Variants in MB21D2 observed in about 807,000 individuals in gnomAD.
MB21D2 encodes Mab-21 domain containing 2, also known as nucleotidyltransferase MB21D2.
Under a neutral mutation model 33.3 loss-of-function variants are expected in MB21D2, and 9 were observed. That is an observed-to-expected ratio of 0.27 (90% CI 0.16 to 0.47). MB21D2 has a LOEUF of 0.47. MB21D2 is among the 20% of genes least tolerant of loss of function. The pLI, the probability that MB21D2 is intolerant of heterozygous loss-of-function variation, is 0.99. For synonymous variants in MB21D2, 241 were observed against 236.3 expected (o/e 1.02, Z -0.18); for missense variants, 540 against 624.6 (o/e 0.86, Z 1.44).
chr3:192,809,402 C>G (rs1476373541), intron 1 of MB21D2, among the ~76,000 whole-genome samples: 1 of 152,006 alleles, frequency 6.6e-6, no homozygotes, highest in Non-Finnish European at 1.5e-5. Context: ...GCCTAGTGTC[C>G]CCATTTTACA....
intron 1 of MB21D2, among the ~76,000 whole-genome samples, chr3:192,823,482 C>T (rs1712102259): frequency 1.3e-5 from 2 of 152,078 alleles, no homozygotes; most frequent in East Asian, 3.9e-4. Flanking sequence ...GGAGAAACCC[C>T]ATTTCTACCA....
chr3:192,906,913 G>A (rs73068316), intron 1 of MB21D2, among the ~76,000 whole-genome samples: 6,790 of 152,270 alleles, frequency 0.045, 371 homozygotes, highest in African/African-American at 0.13. Context: ...TGGAAGAGAC[G>A]AAAGCCTAAA....
intron 1 of MB21D2, among the ~76,000 whole-genome samples, chr3:192,869,921 T>A (rs1292597118): frequency 2.6e-5 from 4 of 152,174 alleles, no homozygotes; most frequent in African/African-American, 9.7e-5. Flanking sequence ...CTTTAAATTA[T>A]ATTACAGCCA....
intron 1 of MB21D2, among the ~76,000 whole-genome samples, chr3:192,901,607 T>C (rs1436809057): frequency 6.6e-6 from 1 of 152,048 alleles, no homozygotes; most frequent in Non-Finnish European, 1.5e-5. Context: ...CAAGTCAAGG[T>C]ACAAACATAT....
At chr3:192,861,278 G>A (rs1713036084) in intron 1 of MB21D2, among the ~76,000 whole-genome samples, 1 of 152,186 alleles carries the variant, frequency 6.6e-6, no homozygotes, top group Non-Finnish European at 1.5e-5. Context: ...GACCATCTCT[G>A]CATTCATTCA....
chr3:192,814,484 G>A (rs1164237601), intron 1 of MB21D2, among the ~76,000 whole-genome samples: 3 of 152,172 alleles, frequency 2.0e-5, no homozygotes, highest in Non-Finnish European at 4.4e-5. Flanking sequence ...CTCTGCAGAA[G>A]TAGAAATTTG....
chr3:192,801,806 CTTTAAAA>C (rs1349737663), intron 1 of MB21D2, among the ~76,000 whole-genome samples: 1 of 152,196 alleles, frequency 6.6e-6, no homozygotes, highest in Admixed American at 6.5e-5. Flanking sequence ...GACAATTATA[CTTTAAAA>C]TTTAACGCTC....
intron 1 of MB21D2, among the ~76,000 whole-genome samples, chr3:192,807,296 G>C (rs1470241377): frequency 6.7e-6 from 1 of 148,634 alleles, no homozygotes; most frequent in East Asian, 2.0e-4. Flanking sequence ...CAATTTACAA[G>C]GACAGTGTTC....
intron 1 of MB21D2, among the ~76,000 whole-genome samples, chr3:192,854,443 G>A (rs1294320317): frequency 2.0e-5 from 3 of 152,190 alleles, no homozygotes; most frequent in African/African-American, 7.2e-5. Flanking sequence ...AGCAGAAACT[G>A]GCTCATGAGA....
In MB21D2 at chr3:192,910,234, G is replaced by A. The variant is rs944568147; in HGVS notation, c.211+7396C>T. ...TAATCCCAACACTTTGGGAGGCCAA[G>A]GTGGGAGAATCACTTGAGCCCAAGA... On this transcript the variant is annotated intron_variant, in intron 1 of 1. Coordinates refer to ENST00000392452, the MANE Select transcript of MB21D2 (RefSeq NM_178496.4). Among the ~76,000 whole-genome samples the A allele has an allele frequency of 4.0e-5, 6 of 150,718 alleles. No homozygotes were observed. The South Asian group carries it at 1.3e-3, about 32-fold the overall frequency.
At chr3:192,859,083 T>C (rs1012270972) in intron 1 of MB21D2, among the ~76,000 whole-genome samples, 5 of 152,092 alleles carry the variant, frequency 3.3e-5, no homozygotes, top group Non-Finnish European at 2.9e-5. Context: ...AGCAAAGCCA[T>C]GCTGGCCGGC....
intron 1 of MB21D2, among the ~76,000 whole-genome samples, chr3:192,895,447 C>A (rs67168132): frequency 0.47 from 71,886 of 151,970 alleles, 17,236 homozygotes; most frequent in Middle Eastern, 0.55. Context: ...CACTTTAATC[C>A]AGCCAGGCAA....
chr3:192,877,777 G>A (rs1269208901), intron 1 of MB21D2, among the ~76,000 whole-genome samples: 2 of 152,144 alleles, frequency 1.3e-5, no homozygotes, highest in South Asian at 2.1e-4. Flanking sequence ...TGGGGCTGAG[G>A]ATCTAGCAAA....
chr3:192,858,268 G>A (rs1360078442), intron 1 of MB21D2, among the ~76,000 whole-genome samples: 6 of 152,016 alleles, frequency 3.9e-5, no homozygotes, highest in African/African-American at 9.7e-5. Context: ...AGAGAGAACA[G>A]ACTTATGTCT....
intron 1 of MB21D2, among the ~76,000 whole-genome samples, chr3:192,831,117 T>A (rs1712305109): frequency 6.6e-6 from 1 of 152,182 alleles, no homozygotes; most frequent in African/African-American, 2.4e-5. Flanking sequence ...TGAAGCTAGG[T>A]CATAAAGACA....
chr3:192,863,027 T>C (rs1713084805), intron 1 of MB21D2, among the ~76,000 whole-genome samples: 2 of 152,176 alleles, frequency 1.3e-5, no homozygotes, highest in South Asian at 4.1e-4. Context: ...AATCACCTGC[T>C]GAAGGTTCCA....
intron 1 of MB21D2, among the ~76,000 whole-genome samples, chr3:192,807,326 T>C (rs549620015): frequency 9.4e-5 from 11 of 117,474 alleles, no homozygotes; most frequent in Admixed American, 3.2e-4. Context: ...GGCTCATTCT[T>C]GAAAGGCCAA....
intron 1 of MB21D2, among the ~76,000 whole-genome samples, chr3:192,880,347 A>G (rs1048330048): frequency 6.6e-6 from 1 of 152,038 alleles, no homozygotes; most frequent in African/African-American, 2.4e-5. Flanking sequence ...AATCCATCTC[A>G]GAAAAAAATA....
At chr3:192,865,922 G>A (rs1473180961) in intron 1 of MB21D2, among the ~76,000 whole-genome samples, 1 of 152,104 alleles carries the variant, frequency 6.6e-6, no homozygotes, top group East Asian at 1.9e-4. Context: ...GCTTATGCCT[G>A]TAGTACCAGC....
Sources: gnomAD v4.1 joint callset for allele counts (sites outside exome capture counted in the v4.1 genomes callset) on GRCh38, gnomAD v4.1.1 for gene constraint, MANE v1.5 for transcripts, NCBI Gene and HGNC (gene_info 2026-07-23, HGNC 2026-07-21) for gene names.